GTF2A2: variants seen among roughly 807,000 people sequenced by gnomAD.
GTF2A2 encodes transcription initiation factor IIA subunit 2.
A neutral mutation model predicts 14.3 loss-of-function variants in GTF2A2; 9 were observed. That is an observed-to-expected ratio of 0.63 (90% CI 0.38 to 1.10). The LOEUF is 1.10. GTF2A2 is among the 50% of genes least tolerant of loss of function. The pLI is 0.01. For synonymous variants in GTF2A2, 56 were observed against 46.0 expected, an observed-to-expected ratio of 1.22 and a Z score of -0.88; for missense variants, 90 against 124.6, an observed-to-expected ratio of 0.72 and a Z score of 1.32.
At position 59,650,639 on chromosome 15, in the gene GTF2A2, A is replaced by G. The variant is rs1302022940; in HGVS notation, c.177+30T>C. ...TCAGTGTTTTAACAACCATTGGTAC[A>G]GGCTTCTAGATTCAGGAAAATATCC... On this transcript the variant is annotated intron_variant, in intron 3 of 4. Coordinates refer to ENST00000396060, the MANE Select transcript of GTF2A2 (RefSeq NM_004492.3). 2.5e-6 allele frequency: 3 copies of G among 1,214,502 alleles called. No homozygotes were observed. The Admixed American group carries it at 5.2e-5, about 21-fold the overall frequency. 75.2% of individuals were successfully genotyped at this position (1,214,502 alleles called of 1,614,324 possible).
Position 59,639,024 on chromosome 15 carries a change from A to G in GTF2A2, c.*108T>C. 1 of 721,664 alleles carries G rather than the reference A, an allele frequency of 1.4e-6. No individual in the cohort carries two copies. The highest frequency in any genetic ancestry group is 1.5e-5 in the South Asian group (1 of 67,362). The allele number at this position is 721,664 out of a possible 1,614,324, so 44.7% of individuals were successfully genotyped here. ...CTACTGGAATTCTCTGGTATAGCAC[A>G]GTGTAGTCATTTCTGCAATTCTAGA... is the stretch of plus-strand genomic sequence containing the variant. On this transcript the variant is annotated 3_prime_UTR_variant, in exon 5 of 5. Coordinates refer to ENST00000396060, the MANE Select transcript of GTF2A2 (RefSeq NM_004492.3).
chr15:59,641,545 T>C (rs1186224473), intron 4 of GTF2A2, among the ~76,000 whole-genome samples: 4 of 152,172 alleles, frequency 2.6e-5, no homozygotes, highest in African/African-American at 7.2e-5. Context: ...GATTATGAAG[T>C]ATATTTAAAA....
rs1174945810 is a variant in GTF2A2, at chr15:59,652,283, A to C, written c.-6T>G. ...CTGTATAACTGATATGCCATGGCTT[A>C]GGAGGAAGAATTTGTTTTTCTTATT... On this transcript the variant is annotated 5_prime_UTR_variant, in exon 2 of 5. Transcript: ENST00000396060. 1 of 1,558,318 alleles carries C rather than the reference A, an allele frequency of 6.4e-7. No homozygotes were observed. Among genetic ancestry groups the C allele is most frequent in the South Asian group, 1.1e-5 (1 of 86,958 alleles).
At chr15:59,647,619 C>T (rs1300637812) in intron 3 of GTF2A2, among the ~76,000 whole-genome samples, 1 of 152,050 alleles carries the variant, frequency 6.6e-6, no homozygotes, top group Admixed American at 6.6e-5. Flanking sequence ...CACTCTGTGG[C>T]CCAAGCTAGA....
At chr15:59,648,476 T>A (rs1489222370) in intron 3 of GTF2A2, among the ~76,000 whole-genome samples, 2 of 20,184 alleles carry the variant, frequency 9.9e-5, no homozygotes, top group African/African-American at 1.9e-4. Context: ...CAATCTGAAT[T>A]TTCTCCCTAA....
At chr15:59,649,230 GAGTT>G (rs1448957633) in intron 3 of GTF2A2, among the ~76,000 whole-genome samples, 2 of 152,188 alleles carry the variant, frequency 1.3e-5, no homozygotes, top group Non-Finnish European at 2.9e-5. Flanking sequence ...TAAAAAGCGT[GAGTT>G]AGAATAGTAG....
chr15:59,648,033 G>C (rs1463599101), intron 3 of GTF2A2, among the ~76,000 whole-genome samples: 3 of 152,076 alleles, frequency 2.0e-5, no homozygotes, highest in African/African-American at 7.2e-5. Context: ...GTTAATTACT[G>C]TTCGAGGCTC....
intron 3 of GTF2A2, among the ~76,000 whole-genome samples, chr15:59,644,513 G>C (rs758897589): frequency 1.3e-5 from 2 of 152,182 alleles, no homozygotes; most frequent in Non-Finnish European, 2.9e-5. Flanking sequence ...AGGATACAAT[G>C]GTAAGCACAG....
intron 4 of GTF2A2, among the ~76,000 whole-genome samples, chr15:59,639,790 G>A (rs539637901): frequency 1.3e-5 from 2 of 151,664 alleles, no homozygotes; most frequent in South Asian, 2.1e-4. Flanking sequence ...ACACTGTGTT[G>A]CCCAGGCTGG....
At chr15:59,650,613 A>G (rs1458958375) in intron 3 of GTF2A2, 56 bp downstream of exon 3, 1 of 980,126 alleles carries the variant, frequency 1.0e-6, no homozygotes, top group African/African-American at 1.6e-5. Context: ...CTAAAAAAAA[A>G]TCAGTGTTTT....
Position 59,639,080 on chromosome 15 carries a change from T to TCAAAAGC in GTF2A2, c.*45_*51dup, listed in dbSNP as rs750760381. 618 of 1,055,088 alleles carry TCAAAAGC rather than the reference T, an allele frequency of 5.9e-4. 7 individuals carry two copies. Among genetic ancestry groups the TCAAAAGC allele is most frequent in the South Asian group, 4.0e-3 (317 of 79,224 alleles). The allele number at this position is 1,055,088 out of a possible 1,614,324, so 65.4% of individuals were successfully genotyped here. ...TAAAAAGTCTCTTCTATGCTTCTCT[T>TCAAAAGC]CAAAAGCAATGAATAACAGAAGATG... On this transcript the variant is annotated 3_prime_UTR_variant, in exon 5 of 5. Transcript: ENST00000396060.
At chr15:59,644,819 G>C (rs1306526423) in intron 3 of GTF2A2, among the ~76,000 whole-genome samples, 1 of 152,210 alleles carries the variant, frequency 6.6e-6, no homozygotes, top group Non-Finnish European at 1.5e-5. Flanking sequence ...TAAGATAAAG[G>C]AGAACCTTGG....
chr15:59,644,008 C>T (rs1449998830), intron 3 of GTF2A2, among the ~76,000 whole-genome samples: 1 of 152,130 alleles, frequency 6.6e-6, no homozygotes, highest in Non-Finnish European at 1.5e-5. Context: ...GATTCTCCTG[C>T]CTCAGCCTCC....
In GTF2A2 at chr15:59,642,196, T is replaced by G; in HGVS notation, c.244A>C (p.Arg82=). The change falls in exon 4 of 5, where the codon AGA becomes CGA. Residue 82 remains arginine (R), a synonymous_variant. Transcript: ENST00000396060. ...WTFVLNDVEF[R]EVTELIKVDK... ...ACTTTAATAAGTTCTGTCACCTCTCTGAATTCAACATCATTCAGTACAAAA... is the reference window on the plus strand; with the variant it reads ...ACTTTAATAAGTTCTGTCACCTCTCGGAATTCAACATCATTCAGTACAAAA... 1 of 1,610,666 alleles carries G rather than the reference T, an allele frequency of 6.2e-7. No individual in the cohort carries two copies. The highest frequency in any genetic ancestry group is 8.5e-7 in the Non-Finnish European group (1 of 1,177,886).
At chr15:59,649,924 T>G (rs1891739688) in intron 3 of GTF2A2, among the ~76,000 whole-genome samples, 2 of 152,202 alleles carry the variant, frequency 1.3e-5, no homozygotes, top group South Asian at 4.1e-4. Flanking sequence ...TAACCATATT[T>G]TAACCTTCTT....
Position 59,650,693 on chromosome 15 carries a change from C to T in GTF2A2, c.153G>A (p.Arg51=), listed in dbSNP as rs1343216077. The T allele has an allele frequency of 1.3e-6, 2 of 1,599,918 alleles. No individual in the cohort carries two copies. Among genetic ancestry groups the T allele is most frequent in the Middle Eastern group, 1.7e-4 (1 of 6,026 alleles). The change falls in exon 3 of 5, where the codon AGG becomes AGA. Residue 51 remains arginine, a synonymous_variant. Transcript: ENST00000396060. ...CCCTGAAATTGACTCTGTTCCTGAC[C>T]CTCTGAGCCAGTGCTGCATTTATAG... ...DKAINAALAQ[R]VRNRVNFRGS...
At chr15:59,649,247 G>C (rs1891717410) in intron 3 of GTF2A2, among the ~76,000 whole-genome samples, 1 of 152,202 alleles carries the variant, frequency 6.6e-6, no homozygotes, top group Admixed American at 6.5e-5. Context: ...AATAGTAGCA[G>C]CAGGAAAATA....
intron 4 of GTF2A2, among the ~76,000 whole-genome samples, chr15:59,639,510 G>C (rs887958816): frequency 1.4e-5 from 2 of 146,980 alleles, no homozygotes; most frequent in Admixed American, 6.9e-5. Flanking sequence ...GCCCAGGCTG[G>C]AGTGCAGTGG....
rs1412472957 is a variant in GTF2A2, at chr15:59,638,355, T to C, written c.*777A>G. The C allele has an allele frequency of 6.6e-6, 1 of 152,176 alleles. No homozygotes were observed. The highest frequency in any genetic ancestry group is 1.5e-5 in the Non-Finnish European group (1 of 68,034). 9.4% of individuals were successfully genotyped at this position (152,176 alleles called of 1,614,324 possible). On this transcript the variant is annotated 3_prime_UTR_variant, in exon 5 of 5. Transcript: ENST00000396060. ...AGAAACTCCTCACCTAGGGTCAGTA[T>C]GTTACTTCTGTATTTCTGCAAGCAC...
Sources: allele counts gnomAD v4.1 joint callset (sites outside exome capture counted in the v4.1 genomes callset), GRCh38; gene constraint gnomAD v4.1.1; transcripts MANE v1.5; gene names NCBI Gene and HGNC (gene_info 2026-07-23, HGNC 2026-07-21).